Variants in JAKMIP2 observed in about 807,000 individuals in gnomAD.
JAKMIP2 encodes the protein janus kinase and microtubule interacting protein 2.
Under a neutral mutation model 115.0 loss-of-function variants are expected in JAKMIP2, and 25 were observed. The observed-to-expected ratio is 0.22, with a 90% CI of 0.16 to 0.30. The LOEUF (loss-of-function observed/expected upper bound fraction) is 0.30, where lower values mean the gene tolerates loss of function less well. Among genes scored for constraint, JAKMIP2 ranks in the 10% least tolerant of loss-of-function variants. JAKMIP2 has a pLI of 1.00. For synonymous variants in JAKMIP2, 334 were observed against 343.6 expected, an observed-to-expected ratio of 0.97 and a Z score of 0.31; for missense variants, 642 against 957.6, an observed-to-expected ratio of 0.67 and a Z score of 4.35.
chr5:147,604,985 C>T (rs1438843308), intron 20 of JAKMIP2, among the ~76,000 whole-genome samples: 1 of 151,726 alleles, frequency 6.6e-6, no homozygotes, highest in Non-Finnish European at 1.5e-5. Flanking sequence ...TGCTCCCCAC[C>T]CCCCGACAGG....
chr5:147,632,917 A>G (rs1757432204), intron 12 of JAKMIP2, 139 bp from the exon 13 acceptor site: 3 of 580,736 alleles, frequency 5.2e-6, no homozygotes, highest in African/African-American at 1.9e-5. Context: ...TGTGAATAAA[A>G]TAAGTATTTG....
intron 21 of JAKMIP2, chr5:147,595,330 T>C (rs1755313543): frequency 2.5e-6 from 1 of 407,372 alleles, no homozygotes; most frequent in African/African-American, 2.0e-5. Context: ...AGGCCATGAG[T>C]GCAGAATGGA....
At chr5:147,769,020 T>C (rs1023949704) in intron 1 of JAKMIP2, among the ~76,000 whole-genome samples, 13 of 152,170 alleles carry the variant, frequency 8.5e-5, no homozygotes, top group Non-Finnish European at 1.5e-5. Flanking sequence ...AATTTGGGCA[T>C]GTTCCTTAAC....
chr5:147,607,575 C>T (rs1756092942), intron 20 of JAKMIP2, among the ~76,000 whole-genome samples: 1 of 152,168 alleles, frequency 6.6e-6, no homozygotes, highest in Admixed American at 6.5e-5. Context: ...ATTTGGTTTG[C>T]CAGTATTTTA....
intron 1 of JAKMIP2, among the ~76,000 whole-genome samples, chr5:147,755,318 T>C (rs575151058): frequency 6.6e-6 from 1 of 152,288 alleles, no homozygotes; most frequent in Admixed American, 6.5e-5. Flanking sequence ...TGATGTCTCA[T>C]GTCTCCCTAA....
chr5:147,725,392 T>C (rs1753478556), intron 1 of JAKMIP2, among the ~76,000 whole-genome samples: 1 of 152,180 alleles, frequency 6.6e-6, no homozygotes, highest in Admixed American at 6.5e-5. Context: ...CTTAATAAGC[T>C]TGCTTTCATT....
At chr5:147,754,930 G>C (rs931726517) in intron 1 of JAKMIP2, among the ~76,000 whole-genome samples, 1 of 152,166 alleles carries the variant, frequency 6.6e-6, no homozygotes, top group Admixed American at 6.5e-5. Flanking sequence ...GAGTGGAAGA[G>C]AGCTTGCATC....
chr5:147,637,711 G>A (rs752317798), intron 10 of JAKMIP2, among the ~76,000 whole-genome samples: 8 of 151,634 alleles, frequency 5.3e-5, no homozygotes, highest in Non-Finnish European at 1.0e-4. Flanking sequence ...AAGTGCACCC[G>A]GCCTTTCCAT....
intron 20 of JAKMIP2, among the ~76,000 whole-genome samples, chr5:147,603,285 A>T (rs762971850): frequency 6.6e-6 from 1 of 152,204 alleles, no homozygotes; most frequent in African/African-American, 2.4e-5. Context: ...GGATCATAAC[A>T]TCTGTAGTGT....
chr5:147,761,515 C>G (rs769541848), intron 1 of JAKMIP2, among the ~76,000 whole-genome samples: 9 of 152,026 alleles, frequency 5.9e-5, no homozygotes, highest in Non-Finnish European at 1.2e-4. Flanking sequence ...TTAACCTCTC[C>G]ACTGTGTTTT....
chr5:147,682,039 CAAA>C (rs201220964), intron 1 of JAKMIP2, among the ~76,000 whole-genome samples: 4 of 76,302 alleles, frequency 5.2e-5, no homozygotes, highest in East Asian at 4.9e-4. Flanking sequence ...AACTCTGTTT[CAAA>C]AAAAAAAAAA....
chr5:147,664,593 C>T (rs1759201028), intron 2 of JAKMIP2, among the ~76,000 whole-genome samples: 1 of 152,150 alleles, frequency 6.6e-6, no homozygotes. Flanking sequence ...GTCATGCCAC[C>T]CTACTCACCC....
At chr5:147,675,895 T>C (rs1408104248) in intron 1 of JAKMIP2, among the ~76,000 whole-genome samples, 2 of 151,570 alleles carry the variant, frequency 1.3e-5, no homozygotes, top group Non-Finnish European at 2.9e-5. Flanking sequence ...TGCTGAATAA[T>C]ATTCTATTGT....
intron 19 of JAKMIP2, 137 bp from the exon 20 acceptor site, chr5:147,612,508 G>C: frequency 1.8e-6 from 1 of 568,348 alleles, no homozygotes; most frequent in Non-Finnish European, 3.1e-6. Context: ...TCGCATGTAT[G>C]TTTTCCCCAC....
At chr5:147,653,817 T>G (rs575675382) in intron 3 of JAKMIP2, among the ~76,000 whole-genome samples, 3 of 152,208 alleles carry the variant, frequency 2.0e-5, no homozygotes, top group Non-Finnish European at 4.4e-5. Flanking sequence ...CTGCCTAGGT[T>G]TACTTTTAAG....
intron 1 of JAKMIP2, among the ~76,000 whole-genome samples, chr5:147,716,572 G>C (rs1753008488): frequency 6.6e-6 from 1 of 152,234 alleles, no homozygotes; most frequent in East Asian, 1.9e-4. Context: ...TTGCGGTTTT[G>C]ATTTGCATTT....
intron 1 of JAKMIP2, among the ~76,000 whole-genome samples, chr5:147,702,756 G>A (rs551521712): frequency 2.0e-5 from 3 of 152,160 alleles, no homozygotes; most frequent in African/African-American, 7.2e-5. Flanking sequence ...CAGCAAGACA[G>A]AAGCTGATGA....
intron 1 of JAKMIP2, among the ~76,000 whole-genome samples, chr5:147,719,306 G>GA (rs1248980245): frequency 8.0e-5 from 11 of 136,676 alleles, no homozygotes; most frequent in Admixed American, 5.1e-4. Flanking sequence ...GTGTGGTGCT[G>GA]AAAAAAATGT....
chr5:147,668,788 A>C (rs548618521), intron 2 of JAKMIP2, among the ~76,000 whole-genome samples: 1 of 152,362 alleles, frequency 6.6e-6, no homozygotes, highest in Non-Finnish European at 1.5e-5. Flanking sequence ...GGAAAAACAC[A>C]GAGGGGTTTT....
Sources: gnomAD v4.1 joint callset for allele counts (sites outside exome capture counted in the v4.1 genomes callset) on GRCh38, gnomAD v4.1.1 for gene constraint, MANE v1.5 for transcripts, NCBI Gene and HGNC (gene_info 2026-07-23, HGNC 2026-07-21) for gene names.